Variants in THSD7B observed in about 807,000 individuals in gnomAD.
THSD7B encodes thrombospondin type 1 domain containing 7B, also known as thrombospondin type-1 domain-containing protein 7B.
In THSD7B, 138 loss-of-function variants were observed where a neutral mutation model predicts 213.6. That is an observed-to-expected ratio of 0.65 (90% CI 0.56 to 0.74). THSD7B has a LOEUF of 0.74. THSD7B is among the 30% of genes least tolerant of loss of function. The pLI is 0.00. For missense variants in THSD7B, 1,931 were observed against 1,991.5 expected, an observed-to-expected ratio of 0.97 and a Z score of 0.58; for synonymous variants, 742 against 687.0, an observed-to-expected ratio of 1.08 and a Z score of -1.25.
intron 1 of THSD7B, among the ~76,000 whole-genome samples, chr2:136,816,175 A>T (rs977034439): frequency 6.6e-6 from 1 of 152,210 alleles, no homozygotes; most frequent in African/African-American, 2.4e-5. Context: ...GAGCCACTGC[A>T]TTTAGCAGAC....
At chr2:137,036,162 T>G (rs975582920) in intron 2 of THSD7B, among the ~76,000 whole-genome samples, 1 of 152,192 alleles carries the variant, frequency 6.6e-6, no homozygotes, top group Non-Finnish European at 1.5e-5. Context: ...TTATTTTCAC[T>G]AATGCACATG....
At chr2:136,986,498 A>G (rs1685674789) in intron 2 of THSD7B, among the ~76,000 whole-genome samples, 1 of 152,204 alleles carries the variant, frequency 6.6e-6, no homozygotes, top group African/African-American at 2.4e-5. Context: ...TGCTGGAGCC[A>G]TGCTTGTACA....
intron 12 of THSD7B, among the ~76,000 whole-genome samples, chr2:137,298,382 T>G (rs1395514446): frequency 6.6e-6 from 1 of 152,070 alleles, no homozygotes; most frequent in Non-Finnish European, 1.5e-5. Context: ...AAACAGAGCA[T>G]GAAAGTTCAG....
intron 2 of THSD7B, among the ~76,000 whole-genome samples, chr2:137,010,606 G>T (rs917088174): frequency 2.6e-5 from 4 of 152,180 alleles, no homozygotes; most frequent in African/African-American, 9.6e-5. Flanking sequence ...CACAGTCTCT[G>T]CTGTAGTGCC....
At chr2:137,577,764 C>A (rs1319158818) in intron 17 of THSD7B, among the ~76,000 whole-genome samples, 1 of 152,094 alleles carries the variant, frequency 6.6e-6, no homozygotes, top group Non-Finnish European at 1.5e-5. Context: ...ATGACAACAA[C>A]TACACCTAAC....
At chr2:137,555,897 C>A (rs1010056120) in intron 15 of THSD7B, among the ~76,000 whole-genome samples, 1 of 152,154 alleles carries the variant, frequency 6.6e-6, no homozygotes, top group Non-Finnish European at 1.5e-5. Context: ...GTGACGAATG[C>A]ACAAGCTTCA....
At chr2:137,105,025 AG>A (rs1558922387) in intron 4 of THSD7B, among the ~76,000 whole-genome samples, 2 of 152,230 alleles carry the variant, frequency 1.3e-5, no homozygotes, top group Non-Finnish European at 2.9e-5. Context: ...TCCAAACAAT[AG>A]AAAAAGAGGG....
intron 12 of THSD7B, among the ~76,000 whole-genome samples, chr2:137,357,071 G>C (rs1377265790): frequency 6.6e-6 from 1 of 151,552 alleles, no homozygotes; most frequent in Non-Finnish European, 1.5e-5. Context: ...ATCATAGGAA[G>C]TATATTTTCT....
intron 15 of THSD7B, among the ~76,000 whole-genome samples, chr2:137,462,663 T>A (rs569005887): frequency 6.6e-6 from 1 of 152,014 alleles, no homozygotes; most frequent in Non-Finnish European, 1.5e-5. Context: ...GTCCTCAACA[T>A]TGGCCCAAAT....
chr2:137,638,449 G>C (rs1682875713), intron 20 of THSD7B, among the ~76,000 whole-genome samples: 1 of 152,142 alleles, frequency 6.6e-6, no homozygotes, highest in Admixed American at 6.6e-5. Context: ...CAGCCACGTG[G>C]AACTGTAAGT....
intron 2 of THSD7B, among the ~76,000 whole-genome samples, chr2:137,002,715 G>A (rs1254654204): frequency 1.3e-5 from 2 of 152,002 alleles, no homozygotes; most frequent in African/African-American, 4.8e-5. Context: ...TCTGTGTCTT[G>A]TCTTAACCTG....
chr2:137,258,859 T>C (rs67200250), intron 10 of THSD7B, among the ~76,000 whole-genome samples: 29,342 of 149,736 alleles, frequency 0.2, 2,991 homozygotes, highest in African/African-American at 0.26. Context: ...TGACAGGCCC[T>C]GAAGCGTGTT....
intron 2 of THSD7B, among the ~76,000 whole-genome samples, chr2:137,007,592 G>A (rs1686142226): frequency 6.6e-6 from 1 of 152,120 alleles, no homozygotes; most frequent in Non-Finnish European, 1.5e-5. Flanking sequence ...TGAAGTTTCT[G>A]GCCTGGTCAG....
rs761402853 is a variant in THSD7B, at chr2:136,855,633, AT to A, written c.-35-26508del. ...TATTTATTTATTTATTTATTTATTTATTTATTTTTTGTATTTTTAGTAGAGA... is the reference window on the plus strand; with the variant it reads ...TATTTATTTATTTATTTATTTATTTATTATTTTTTGTATTTTTAGTAGAGA... On this transcript the variant is annotated intron_variant, in intron 1 of 27. Coordinates refer to ENST00000409968, the MANE Select transcript of THSD7B (RefSeq NM_001316349.2). Among the ~76,000 whole-genome samples the A allele has an allele frequency of 1.8e-3, 201 of 111,468 alleles. 1 individual carries two copies. The highest frequency in any genetic ancestry group is 5.2e-3 in the East Asian group (22 of 4,236). The allele number at this position is 111,468 out of a possible 152,430, so 73.1% of individuals were successfully genotyped here.
At chr2:137,250,025 G>A (rs1682136048) in intron 10 of THSD7B, among the ~76,000 whole-genome samples, 1 of 152,156 alleles carries the variant, frequency 6.6e-6, no homozygotes. Context: ...GGCCTCAAAG[G>A]AGCAAAGACC....
chr2:136,871,017 AAGGT>A (rs10602446), intron 1 of THSD7B, among the ~76,000 whole-genome samples: 90,711 of 151,166 alleles, frequency 0.6, 27,671 homozygotes, highest in Middle Eastern at 0.73. Context: ...ATAGATTGCA[AAGGT>A]AGGTGCTGTC....
intron 12 of THSD7B, among the ~76,000 whole-genome samples, chr2:137,403,800 G>A (rs986618940): frequency 7.2e-5 from 11 of 152,290 alleles, no homozygotes; most frequent in African/African-American, 2.4e-4. Flanking sequence ...GGAACATTTG[G>A]CAATGCCTGG....
At chr2:137,463,482 A>AT (rs1254316111) in intron 15 of THSD7B, among the ~76,000 whole-genome samples, 1 of 151,972 alleles carries the variant, frequency 6.6e-6, no homozygotes, top group African/African-American at 2.4e-5. Flanking sequence ...CCTATTTAAT[A>AT]TAACATGCTG....
At chr2:136,846,335 C>T (rs1316935209) in intron 1 of THSD7B, among the ~76,000 whole-genome samples, 2 of 152,086 alleles carry the variant, frequency 1.3e-5, no homozygotes, top group African/African-American at 4.8e-5. Context: ...TGAAGCCACT[C>T]TTAAGATTAC....
Sources: gnomAD v4.1 joint callset for allele counts (sites outside exome capture counted in the v4.1 genomes callset) on GRCh38, gnomAD v4.1.1 for gene constraint, MANE v1.5 for transcripts, NCBI Gene and HGNC (gene_info 2026-07-23, HGNC 2026-07-21) for gene names.